The following KHDRBS3 variants were observed in gnomAD, a reference collection of about 807,000 sequenced individuals.
KHDRBS3 encodes KH RNA binding domain containing, signal transduction associated 3.
A neutral mutation model predicts 45.6 loss-of-function variants in KHDRBS3; 23 were observed. That is an observed-to-expected ratio of 0.50 (90% CI 0.36 to 0.72). The LOEUF is 0.72. KHDRBS3 is among the 30% of genes least tolerant of loss of function. KHDRBS3 has a pLI of 0.00. For synonymous variants in KHDRBS3, 162 were observed against 156.5 expected, an observed-to-expected ratio of 1.04 and a Z score of -0.26; for missense variants, 352 against 424.8, an observed-to-expected ratio of 0.83 and a Z score of 1.51.
chr8:135,574,173 ACG>A (rs1827842153), intron 5 of KHDRBS3, among the ~76,000 whole-genome samples: 3 of 109,586 alleles, frequency 2.7e-5, no homozygotes, highest in Non-Finnish European at 6.8e-5. Flanking sequence ...TCATGTTAGC[ACG>A]TCACCTCCAT....
At chr8:135,532,253 G>C (rs1169956202) in intron 2 of KHDRBS3, among the ~76,000 whole-genome samples, 1 of 152,190 alleles carries the variant, frequency 6.6e-6, no homozygotes, top group Non-Finnish European at 1.5e-5. Flanking sequence ...CATTGTGTTA[G>C]TGGTCAAATT....
At chr8:135,500,561 C>G (rs972313456) in intron 1 of KHDRBS3, among the ~76,000 whole-genome samples, 1 of 152,088 alleles carries the variant, frequency 6.6e-6, no homozygotes, top group African/African-American at 2.4e-5. Flanking sequence ...CTTGGCTGGG[C>G]TGGGTGGGAA....
intron 5 of KHDRBS3, among the ~76,000 whole-genome samples, chr8:135,570,234 TTAAAAAAAATCTTTATTTTTAGA>T (rs1425838608): frequency 3.3e-5 from 5 of 152,172 alleles, no homozygotes; most frequent in Non-Finnish European, 4.4e-5. Context: ...AAGCCTTCCA[TTAAAAAAAATCTTTATTTTTAGA>T]GGCGTAAACA....
chr8:135,459,923 AT>A (rs1432768325), intron 1 of KHDRBS3, among the ~76,000 whole-genome samples: 1 of 152,204 alleles, frequency 6.6e-6, no homozygotes, highest in Non-Finnish European at 1.5e-5. Context: ...TAAGAAGTAT[AT>A]TTCTCACATG....
intron 5 of KHDRBS3, among the ~76,000 whole-genome samples, chr8:135,574,611 A>G (rs910895312): frequency 1.3e-5 from 2 of 152,216 alleles, no homozygotes; most frequent in Admixed American, 6.5e-5. Flanking sequence ...TTGGATGGCA[A>G]TCATGGATAT....
intron 7 of KHDRBS3, among the ~76,000 whole-genome samples, chr8:135,632,575 G>A (rs982086640): frequency 9.9e-5 from 15 of 151,950 alleles, no homozygotes; most frequent in African/African-American, 2.9e-4. Flanking sequence ...CAAACCTAAC[G>A]TGTCCCAAAT....
rs536150785 is a variant in KHDRBS3 at position 135,525,253 on chromosome 8, TCTTTC to T, written c.207+3902_207+3906del. ...GTAAGAGTTCAAGTCTCAGTTCATT[TCTTTC>T]CTTAGTTTGGCTTTTTGTGTCTAAT... On this transcript the variant is annotated intron_variant, in intron 2 of 8. Transcript: ENST00000355849. Among the ~76,000 whole-genome samples the T allele has an allele frequency of 1.5e-3, 233 of 152,318 alleles. No individual in the cohort carries two copies. In the Middle Eastern group the frequency reaches 0.017, roughly 11 times the overall value.
At chr8:135,537,213 G>A (rs1216039092) in intron 2 of KHDRBS3, among the ~76,000 whole-genome samples, 4 of 152,132 alleles carry the variant, frequency 2.6e-5, no homozygotes, top group Non-Finnish European at 5.9e-5. Flanking sequence ...GAGCATGTTT[G>A]AAGCTATGGT....
intron 1 of KHDRBS3, among the ~76,000 whole-genome samples, chr8:135,471,245 A>G (rs1822000081): frequency 6.6e-6 from 1 of 152,234 alleles, no homozygotes; most frequent in Non-Finnish European, 1.5e-5. Context: ...GAGAGTGAAC[A>G]TTAAGGCAAA....
intron 7 of KHDRBS3, among the ~76,000 whole-genome samples, chr8:135,630,278 T>C (rs972547649): frequency 6.6e-6 from 1 of 152,158 alleles, no homozygotes; most frequent in Non-Finnish European, 1.5e-5. Context: ...TAGTCTAATA[T>C]TGCTAATTTT....
chr8:135,640,146 T>C (rs999305375), intron 7 of KHDRBS3, among the ~76,000 whole-genome samples: 1 of 151,482 alleles, frequency 6.6e-6, no homozygotes, highest in African/African-American at 2.4e-5. Context: ...CAGGGGAGGG[T>C]AGGAGATGAG....
At chr8:135,538,472 A>G (rs925686376) in intron 2 of KHDRBS3, 12 of 152,174 alleles carry the variant, frequency 7.9e-5, no homozygotes, top group African/African-American at 2.7e-4. Context: ...CTTTGCAACA[A>G]GCACTTTCCA....
chr8:135,497,864 G>C (rs549813518), intron 1 of KHDRBS3, among the ~76,000 whole-genome samples: 45 of 152,248 alleles, frequency 3.0e-4, no homozygotes, highest in Admixed American at 1.0e-3. Context: ...TGGACATTCT[G>C]TTTGTATTAT....
At chr8:135,504,168 G>A (rs1267671294) in intron 1 of KHDRBS3, among the ~76,000 whole-genome samples, 1 of 152,116 alleles carries the variant, frequency 6.6e-6, no homozygotes, top group African/African-American at 2.4e-5. Context: ...ATTACTTCAT[G>A]TCTCACTAAA....
At chr8:135,517,909 G>A (rs1266678779) in intron 1 of KHDRBS3, among the ~76,000 whole-genome samples, 1 of 152,196 alleles carries the variant, frequency 6.6e-6, no homozygotes, top group Non-Finnish European at 1.5e-5. Flanking sequence ...GTAGGATGCT[G>A]TGTATATGTA....
Position 135,473,863 on chromosome 8 carries a change from C to T in KHDRBS3, c.88+15909C>T, listed in dbSNP as rs529798069. ...AGCCTCTTGCTTACTGAAGGAAGCC[C>T]CACCTTCTAGCACTGAGGCCGGGTC... On this transcript the variant is annotated intron_variant, in intron 1 of 8. Transcript: ENST00000355849. Among the ~76,000 whole-genome samples, 27 of 152,278 alleles carry T rather than the reference C, an allele frequency of 1.8e-4. No individual in the cohort carries two copies. In the East Asian group the frequency reaches 4.6e-3, roughly 26 times the overall value.
chr8:135,601,417 T>C (rs922018030), intron 6 of KHDRBS3, among the ~76,000 whole-genome samples: 3 of 152,168 alleles, frequency 2.0e-5, no homozygotes, highest in African/African-American at 7.2e-5. Context: ...TCAGAAGTTA[T>C]AACAGAATTG....
At chr8:135,527,216 C>T (rs970890471) in intron 2 of KHDRBS3, among the ~76,000 whole-genome samples, 1 of 152,158 alleles carries the variant, frequency 6.6e-6, no homozygotes, top group East Asian at 1.9e-4. Flanking sequence ...GGCTAAAAAA[C>T]TGCCAGTTTT....
chr8:135,610,380 G>A (rs753180641), intron 7 of KHDRBS3, among the ~76,000 whole-genome samples: 29 of 151,806 alleles, frequency 1.9e-4, no homozygotes, highest in Admixed American at 5.2e-4. Context: ...TAAAGCTCAT[G>A]GTCTTTCTAC....
Sources: allele counts gnomAD v4.1 joint callset (sites outside exome capture counted in the v4.1 genomes callset), GRCh38; gene constraint gnomAD v4.1.1; transcripts MANE v1.5; gene names NCBI Gene and HGNC (gene_info 2026-07-23, HGNC 2026-07-21).